Variants in IKZF2 observed in about 807,000 individuals in gnomAD.
The protein encoded by IKZF2 is IKAROS family zinc finger 2.
In IKZF2, 15 loss-of-function variants were observed where a neutral mutation model predicts 49.2. The observed-to-expected ratio is 0.30, with a 90% CI of 0.20 to 0.47. The LOEUF (loss-of-function observed/expected upper bound fraction) is 0.47. Ranked by LOEUF, IKZF2 falls within the 20% of genes least tolerant of loss-of-function variation. The pLI, the probability that IKZF2 is intolerant of heterozygous loss-of-function variation, is 1.00. For synonymous variants in IKZF2, 227 were observed against 221.4 expected (o/e 1.03, Z -0.23); for missense variants, 567 against 664.6 (o/e 0.85, Z 1.61).
At chr2:213,051,367 TG>T (rs909027543) in intron 5 of IKZF2, among the ~76,000 whole-genome samples, 3 of 151,844 alleles carry the variant, frequency 2.0e-5, no homozygotes, top group African/African-American at 7.3e-5. Flanking sequence ...GTGGGTGTGG[TG>T]GGGGTTAAGG....
At chr2:213,076,379 C>T (rs1004854465) in intron 4 of IKZF2, among the ~76,000 whole-genome samples, 1 of 152,048 alleles carries the variant, frequency 6.6e-6, no homozygotes, top group Non-Finnish European at 1.5e-5. Flanking sequence ...AAGAATAAGA[C>T]AGAGAACTAT....
At chr2:213,142,673 G>T (rs939362161) in intron 4 of IKZF2, among the ~76,000 whole-genome samples, 9 of 151,908 alleles carry the variant, frequency 5.9e-5, no homozygotes, top group Non-Finnish European at 1.5e-5. Flanking sequence ...CAGCAAAGCA[G>T]GAATTCTAAC....
At chr2:213,146,638 T>A (rs1171229715) in intron 4 of IKZF2, among the ~76,000 whole-genome samples, 1 of 151,756 alleles carries the variant, frequency 6.6e-6, no homozygotes, top group African/African-American at 2.4e-5. Context: ...TATAATAACT[T>A]ACAGTTTCGA....
At chr2:213,101,224 AT>A (rs1206481044) in intron 4 of IKZF2, among the ~76,000 whole-genome samples, 2 of 152,098 alleles carry the variant, frequency 1.3e-5, no homozygotes, top group Non-Finnish European at 2.9e-5. Context: ...TTTAAAAAAA[AT>A]CTCAGAAACC....
At chr2:213,039,910 C>A (rs1324586775) in intron 6 of IKZF2, among the ~76,000 whole-genome samples, 1 of 151,958 alleles carries the variant, frequency 6.6e-6, no homozygotes, top group Non-Finnish European at 1.5e-5. Flanking sequence ...ACTTATAAAT[C>A]TTTGAAAAAT....
intron 5 of IKZF2, 97 bp from the exon 6 acceptor site, chr2:213,049,977 A>G: frequency 1.2e-6 from 1 of 821,406 alleles, no homozygotes; most frequent in South Asian, 4.0e-5. Flanking sequence ...TCTATGCTAA[A>G]AATGTTCATC....
At chr2:213,047,144 C>G (rs1462026753) in intron 6 of IKZF2, among the ~76,000 whole-genome samples, 1 of 152,164 alleles carries the variant, frequency 6.6e-6, no homozygotes, top group Non-Finnish European at 1.5e-5. Flanking sequence ...CAAGCTCCCT[C>G]AAATATGGAT....
chr2:213,110,432 T>G (rs1418111022), intron 4 of IKZF2, among the ~76,000 whole-genome samples: 1 of 151,876 alleles, frequency 6.6e-6, no homozygotes. Flanking sequence ...CAACTTATTT[T>G]CTTCTGCCCC....
chr2:213,061,132 A>G (rs990211077), intron 4 of IKZF2, among the ~76,000 whole-genome samples: 2 of 151,640 alleles, frequency 1.3e-5, no homozygotes, highest in African/African-American at 4.8e-5. Context: ...ACACTTGCAC[A>G]GATACTCTTT....
At chr2:213,142,543 T>C (rs1175604772) in intron 4 of IKZF2, among the ~76,000 whole-genome samples, 2 of 151,992 alleles carry the variant, frequency 1.3e-5, no homozygotes, top group Non-Finnish European at 2.9e-5. Flanking sequence ...GCTGAGCATT[T>C]TGCATGTATT....
intron 4 of IKZF2, among the ~76,000 whole-genome samples, chr2:213,074,836 TA>T: frequency 6.6e-6 from 1 of 152,342 alleles, no homozygotes; most frequent in South Asian, 2.1e-4. Flanking sequence ...CATCAAACCT[TA>T]TTAATATGAT....
chr2:213,087,103 G>T (rs1460841396), intron 4 of IKZF2, among the ~76,000 whole-genome samples: 3 of 152,128 alleles, frequency 2.0e-5, no homozygotes, highest in African/African-American at 7.2e-5. Context: ...TGAAACAAAA[G>T]GTAGGGGAAG....
intron 2 of IKZF2, among the ~76,000 whole-genome samples, chr2:213,149,653 G>C (rs994996963): frequency 6.6e-6 from 1 of 151,954 alleles, no homozygotes; most frequent in Non-Finnish European, 1.5e-5. Flanking sequence ...TGATCGCCAA[G>C]TATATTTAGC....
intron 4 of IKZF2, among the ~76,000 whole-genome samples, chr2:213,110,989 G>A (rs1156364614): frequency 6.6e-6 from 1 of 151,912 alleles, no homozygotes; most frequent in Non-Finnish European, 1.5e-5. Flanking sequence ...TGTACTTCAG[G>A]AATTACTAGG....
intron 6 of IKZF2, among the ~76,000 whole-genome samples, chr2:213,034,413 C>T (rs1377729141): frequency 6.6e-6 from 1 of 152,224 alleles, no homozygotes; most frequent in Non-Finnish European, 1.5e-5. Flanking sequence ...CACTAAGCCT[C>T]ATCATTTCTA....
At chr2:213,087,593 C>T (rs1159505844) in intron 4 of IKZF2, among the ~76,000 whole-genome samples, 1 of 152,040 alleles carries the variant, frequency 6.6e-6, no homozygotes, top group Non-Finnish European at 1.5e-5. Context: ...GTGCTGCACC[C>T]GTTAACTCAT....
chr2:213,085,699 T>G (rs755243871), intron 4 of IKZF2, among the ~76,000 whole-genome samples: 7 of 152,216 alleles, frequency 4.6e-5, no homozygotes, highest in African/African-American at 1.7e-4. Flanking sequence ...ATCTGTAGAA[T>G]GAAGGAGGCA....
In IKZF2 at chr2:213,002,644, T is replaced by G. The variant is rs1461798251; in HGVS notation, c.*4716A>C. The G allele has an allele frequency of 6.6e-6, 1 of 151,928 alleles. No individual in the cohort carries two copies. The highest frequency in any genetic ancestry group is 2.4e-5 in the African/African-American group (1 of 41,390). 9.4% of individuals were successfully genotyped at this position (151,928 alleles called of 1,614,324 possible). On this transcript the variant is annotated 3_prime_UTR_variant, in exon 9 of 9. Transcript: ENST00000434687. ...GATATGAAACCATTTGAGATTATGC[T>G]TTGGAGAATAGCAATGTGATATGAC...
intron 4 of IKZF2, among the ~76,000 whole-genome samples, chr2:213,083,407 T>TTTTTTTA (rs1704193241): frequency 1.5e-5 from 2 of 134,026 alleles, no homozygotes; most frequent in African/African-American, 5.2e-5. Flanking sequence ...TTTTTTTTTT[T>TTTTTTTA]GAGACGGAGT....
Sources: gnomAD v4.1 joint callset for allele counts (sites outside exome capture counted in the v4.1 genomes callset) on GRCh38, gnomAD v4.1.1 for gene constraint, MANE v1.5 for transcripts, NCBI Gene and HGNC (gene_info 2026-07-23, HGNC 2026-07-21) for gene names.